The following CDH13 variants were observed in gnomAD, a reference collection of about 807,000 sequenced individuals.
The protein encoded by CDH13 is cadherin 13.
A neutral mutation model predicts 63.8 loss-of-function variants in CDH13; 24 were observed. That is an observed-to-expected ratio of 0.38 (90% CI 0.27 to 0.53). The LOEUF (loss-of-function observed/expected upper bound fraction) is 0.53, where lower values mean the gene tolerates loss of function less well. Ranked by LOEUF, CDH13 falls within the 20% of genes least tolerant of loss-of-function variation. CDH13 has a pLI of 0.85. For synonymous variants in CDH13, 503 were observed against 355.3 expected (o/e 1.42, Z -4.67); for missense variants, 1,049 against 903.1 (o/e 1.16, Z -2.07).
At chr16:82,885,935 C>T (rs1414199301) in intron 2 of CDH13, among the ~76,000 whole-genome samples, 1 of 152,120 alleles carries the variant, frequency 6.6e-6, no homozygotes, top group Admixed American at 6.6e-5. Context: ...TAAATATTAG[C>T]TGTCTTTATC....
At chr16:83,017,489 C>T (rs186783401) in intron 2 of CDH13, among the ~76,000 whole-genome samples, 15 of 152,284 alleles carry the variant, frequency 9.9e-5, no homozygotes, top group Middle Eastern at 6.8e-3. Flanking sequence ...AAAAGCAATC[C>T]AGCTTTCCTA....
At chr16:82,666,000 C>G (rs1248439103) in intron 1 of CDH13, among the ~76,000 whole-genome samples, 3 of 152,040 alleles carry the variant, frequency 2.0e-5, no homozygotes, top group African/African-American at 7.2e-5. Flanking sequence ...AGTTGAAAAA[C>G]TGTTGTCTAG....
intron 1 of CDH13, among the ~76,000 whole-genome samples, chr16:82,752,362 G>T (rs1485649786): frequency 6.6e-6 from 1 of 152,202 alleles, no homozygotes; most frequent in East Asian, 1.9e-4. Context: ...CAGCTTGGGT[G>T]CACTGCCTTG....
At chr16:82,650,598 G>A (rs1401693052) in intron 1 of CDH13, among the ~76,000 whole-genome samples, 1 of 152,142 alleles carries the variant, frequency 6.6e-6, no homozygotes, top group East Asian at 1.9e-4. Context: ...CCGCTGTTGG[G>A]ATGAGGAGAT....
intron 3 of CDH13, among the ~76,000 whole-genome samples, chr16:83,050,045 T>G (rs1490928053): frequency 6.6e-6 from 1 of 152,184 alleles, no homozygotes; most frequent in African/African-American, 2.4e-5. Flanking sequence ...TAATTTATGA[T>G]GATTGAATGG....
intron 1 of CDH13, among the ~76,000 whole-genome samples, chr16:82,816,722 A>G (rs2037731592): frequency 6.8e-6 from 1 of 146,774 alleles, no homozygotes; most frequent in African/African-American, 2.5e-5. Context: ...AATTGCATTG[A>G]TCCTTGTAGT....
chr16:83,553,766 A>C (rs1314249439), intron 7 of CDH13, among the ~76,000 whole-genome samples: 3 of 152,236 alleles, frequency 2.0e-5, no homozygotes, highest in Non-Finnish European at 4.4e-5. Flanking sequence ...AATGTTGGCT[A>C]GGCTGGTCTT....
At chr16:83,203,896 C>T (rs1237311254) in intron 4 of CDH13, among the ~76,000 whole-genome samples, 1 of 152,100 alleles carries the variant, frequency 6.6e-6, no homozygotes, top group Non-Finnish European at 1.5e-5. Flanking sequence ...TGGCAGAATG[C>T]ACACAAAACC....
intron 10 of CDH13, among the ~76,000 whole-genome samples, chr16:83,720,165 G>C (rs1909496405): frequency 6.6e-6 from 1 of 152,032 alleles, no homozygotes. Context: ...GCCTGACCTT[G>C]ATCCAGTACA....
At position 83,733,734 on chromosome 16, in the gene CDH13, T is replaced by C. The variant is rs1468498094; in HGVS notation, c.1539-14374T>C. On this transcript the variant is annotated intron_variant, in intron 10 of 13. Coordinates refer to ENST00000567109, the MANE Select transcript of CDH13 (RefSeq NM_001257.5). Reference sequence around the variant, plus strand: ...AACTCTGAGAACAAATACAGAGGGGTGATTAACTTTCCCATTCTGGTCTTC... The same window carrying C: ...AACTCTGAGAACAAATACAGAGGGGCGATTAACTTTCCCATTCTGGTCTTC... Among the ~76,000 whole-genome samples, 3 of 151,920 alleles carry C rather than the reference T, an allele frequency of 2.0e-5. No homozygotes were observed. The East Asian group carries it at 5.8e-4, about 29-fold the overall frequency.
intron 6 of CDH13, chr16:83,396,833 G>C (rs1253934597): frequency 3.3e-5 from 5 of 152,120 alleles, no homozygotes; most frequent in African/African-American, 1.2e-4. Flanking sequence ...CAAAACATGT[G>C]TTACCAGACT....
At chr16:83,069,210 C>A (rs1200038068) in intron 3 of CDH13, among the ~76,000 whole-genome samples, 1 of 152,166 alleles carries the variant, frequency 6.6e-6, no homozygotes, top group Non-Finnish European at 1.5e-5. Context: ...AATCAGTGGT[C>A]TCAATGTCAT....
intron 2 of CDH13, among the ~76,000 whole-genome samples, chr16:82,934,062 A>G (rs917917957): frequency 9.2e-5 from 14 of 152,200 alleles, no homozygotes; most frequent in Admixed American, 8.5e-4. Flanking sequence ...TCAACTAGGC[A>G]GTGCCCCAGT....
chr16:83,626,873 C>T (rs1213556553), intron 8 of CDH13, among the ~76,000 whole-genome samples: 1 of 152,148 alleles, frequency 6.6e-6, no homozygotes, highest in Non-Finnish European at 1.5e-5. Context: ...CTCCGTGATG[C>T]CGCTGCGCCT....
chr16:82,709,915 C>G (rs1458188412), intron 1 of CDH13, among the ~76,000 whole-genome samples: 2 of 151,828 alleles, frequency 1.3e-5, no homozygotes, highest in Non-Finnish European at 2.9e-5. Context: ...AAATAAAGCC[C>G]CAGAAGGGCT....
At chr16:83,056,527 C>A (rs531781400) in intron 3 of CDH13, among the ~76,000 whole-genome samples, 2 of 151,998 alleles carry the variant, frequency 1.3e-5, no homozygotes, top group Non-Finnish European at 2.9e-5. Context: ...CATAACATTG[C>A]ATGAAAGAAG....
At chr16:82,721,209 A>T (rs1253834113) in intron 1 of CDH13, among the ~76,000 whole-genome samples, 1 of 152,162 alleles carries the variant, frequency 6.6e-6, no homozygotes, top group East Asian at 1.9e-4. Flanking sequence ...AGCATAAGAC[A>T]TTGCCCCCAC....
chr16:82,652,661 G>T (rs1212431276), intron 1 of CDH13, among the ~76,000 whole-genome samples: 1 of 145,500 alleles, frequency 6.9e-6, no homozygotes, highest in African/African-American at 2.5e-5. Flanking sequence ...CTGCTGCTGA[G>T]GTTGGCTGTC....
intron 8 of CDH13, among the ~76,000 whole-genome samples, chr16:83,644,448 C>T (rs1029186553): frequency 1.3e-5 from 2 of 152,208 alleles, no homozygotes; most frequent in Non-Finnish European, 1.5e-5. Flanking sequence ...TACATCTTCA[C>T]GTACATATAT....
Sources: gnomAD v4.1 joint callset for allele counts (sites outside exome capture counted in the v4.1 genomes callset) on GRCh38, gnomAD v4.1.1 for gene constraint, MANE v1.5 for transcripts, NCBI Gene and HGNC (gene_info 2026-07-23, HGNC 2026-07-21) for gene names.